CNGA1: variants seen among roughly 807,000 people sequenced by gnomAD.
The protein encoded by CNGA1 is cyclic nucleotide-gated channel alpha-1.
In CNGA1, 53 loss-of-function variants were observed where a neutral mutation model predicts 69.7. That is an observed-to-expected ratio of 0.76 (90% CI 0.61 to 0.96). The LOEUF (loss-of-function observed/expected upper bound fraction) is 0.96, where lower values mean the gene tolerates loss of function less well. Among genes scored for constraint, CNGA1 ranks in the 40% least tolerant of loss-of-function variants. CNGA1 has a pLI of 0.00. For missense variants in CNGA1, 739 were observed against 811.2 expected (o/e 0.91, Z 1.08); for synonymous variants, 249 against 283.5 (o/e 0.88, Z 1.22).
At chr4:47,959,314 C>T (rs1740284122) in intron 3 of CNGA1, among the ~76,000 whole-genome samples, 1 of 152,032 alleles carries the variant, frequency 6.6e-6, no homozygotes, top group Non-Finnish European at 1.5e-5. Flanking sequence ...TTTGGACCAC[C>T]AAAAATATAT....
intron 3 of CNGA1, among the ~76,000 whole-genome samples, chr4:47,961,754 A>T (rs1277996166): frequency 6.6e-6 from 1 of 152,066 alleles, no homozygotes; most frequent in Admixed American, 6.5e-5. Context: ...ATACTGTCCA[A>T]TGTGGTGGCC....
intron 2 of CNGA1, among the ~76,000 whole-genome samples, chr4:47,996,825 C>G (rs939306008): frequency 3.9e-5 from 6 of 151,920 alleles, no homozygotes; most frequent in Admixed American, 1.3e-4. Context: ...TTTGGGAGGC[C>G]GAGGTGAGTG....
intron 10 of CNGA1, among the ~76,000 whole-genome samples, chr4:47,939,838 C>T (rs910797571): frequency 6.6e-6 from 1 of 152,138 alleles, no homozygotes; most frequent in African/African-American, 2.4e-5. Context: ...TTCCTGAACA[C>T]GCTAGCAATG....
At chr4:47,975,464 G>T (rs949151226) in intron 3 of CNGA1, among the ~76,000 whole-genome samples, 1 of 152,050 alleles carries the variant, frequency 6.6e-6, no homozygotes, top group African/African-American at 2.4e-5. Context: ...ACAATAAAAA[G>T]CTCAATTAAT....
At chr4:48,008,321 C>A (rs911580734) in intron 2 of CNGA1, among the ~76,000 whole-genome samples, 1 of 152,062 alleles carries the variant, frequency 6.6e-6, no homozygotes, top group African/African-American at 2.4e-5. Context: ...ATGTAATATT[C>A]TTTCTCATAT....
Position 47,937,344 on chromosome 4 carries a change from T to G in CNGA1, c.1138A>C (p.Ile380Leu). ...EYVFVVVDFL[I>L]GVLIFATIVG... ...ATGGTAGCAAAAATTAACACTCCAA[T>G]TAGGAAATCAACCACCACAAAGACA... The change falls in exon 11 of 11, where the codon ATT (isoleucine) becomes CTT (leucine). Residue 380 changes from isoleucine to leucine, a missense_variant. Ile to Leu is a conservative substitution (Grantham distance 5). Transcript: ENST00000514170. 6.2e-7 allele frequency: 1 copy of G among 1,614,026 alleles called. No homozygotes were observed. Among genetic ancestry groups the G allele is most frequent in the Non-Finnish European group, 8.5e-7 (1 of 1,180,008 alleles).
chr4:47,945,379 G>A (rs1739333447), intron 6 of CNGA1, among the ~76,000 whole-genome samples: 2 of 152,200 alleles, frequency 1.3e-5, no homozygotes, highest in South Asian at 2.1e-4. Flanking sequence ...TTCCAGTAAC[G>A]ATTTCCCTGG....
At chr4:47,984,001 G>A (rs918423337) in intron 2 of CNGA1, among the ~76,000 whole-genome samples, 24 of 152,008 alleles carry the variant, frequency 1.6e-4, no homozygotes, top group Admixed American at 1.4e-3. Context: ...TTTAAAAATT[G>A]GGTTTTTTAA....
At chr4:47,961,482 C>G (rs1740435124) in intron 3 of CNGA1, among the ~76,000 whole-genome samples, 1 of 152,186 alleles carries the variant, frequency 6.6e-6, no homozygotes, top group African/African-American at 2.4e-5. Flanking sequence ...ATGGCTCATG[C>G]CAGTAATCTC....
chr4:47,950,659 A>G (rs1012844), intron 5 of CNGA1, among the ~76,000 whole-genome samples: 69,336 of 151,936 alleles, frequency 0.46, 17,051 homozygotes, highest in East Asian at 0.9. Flanking sequence ...GAAAAATAAG[A>G]AAAAGGAAAA....
intron 2 of CNGA1, among the ~76,000 whole-genome samples, chr4:47,989,272 T>C (rs922115490): frequency 1.3e-5 from 2 of 152,216 alleles, no homozygotes; most frequent in Admixed American, 1.3e-4. Context: ...ATAATTTAAC[T>C]TCTCAGGTAG....
At chr4:47,970,892 A>C in intron 3 of CNGA1, 1 of 453,860 alleles carries the variant, frequency 2.2e-6, no homozygotes, top group South Asian at 1.6e-5. Context: ...GTGGTGGCTC[A>C]CACCTGTAAT....
At chr4:48,000,104 C>T (rs1714595211) in intron 2 of CNGA1, among the ~76,000 whole-genome samples, 1 of 151,904 alleles carries the variant, frequency 6.6e-6, no homozygotes. Flanking sequence ...GAAGACATAG[C>T]AATTGAAGCT....
intron 3 of CNGA1, among the ~76,000 whole-genome samples, chr4:47,969,569 AAGCAATTCTCC>A (rs1177571151): frequency 2.0e-5 from 3 of 151,970 alleles, no homozygotes; most frequent in Non-Finnish European, 4.4e-5. Context: ...TCCCGGGTTC[AAGCAATTCTCC>A]TGCCTCAGCC....
chr4:47,951,386 T>C lies in CNGA1; in HGVS notation c.191A>G (p.Tyr64Cys). 6.2e-7 allele frequency: 1 copy of C among 1,613,282 alleles called. No individual in the cohort carries two copies. Among genetic ancestry groups the C allele is most frequent in the Non-Finnish European group, 8.5e-7 (1 of 1,179,240 alleles). Residue 64 changes from tyrosine (Y) to cysteine (C), a missense_variant, in exon 5 of 11, where the codon TAT becomes TGT. Physicochemically the swap from Tyr to Cys is radical, Grantham distance 194. Transcript: ENST00000514170. ...ENPHARGSFS[Y>C]KSLRKGGPSQ... The stretch of plus-strand genomic sequence containing the variant: ...TGGTCCTCCCTTTCTGAGTGACTTA[T>C]AACTAAAGGAACCCCTTGCATGAGG...
At chr4:47,965,853 T>G (rs1325849898) in intron 3 of CNGA1, among the ~76,000 whole-genome samples, 2 of 152,234 alleles carry the variant, frequency 1.3e-5, no homozygotes, top group Non-Finnish European at 2.9e-5. Flanking sequence ...TAGTAATTGC[T>G]TATTCTTTTC....
intron 2 of CNGA1, among the ~76,000 whole-genome samples, chr4:47,998,630 T>C (rs541341458): frequency 2.6e-5 from 4 of 151,874 alleles, no homozygotes; most frequent in Admixed American, 6.6e-5. Context: ...CAAAAAAAAT[T>C]AGCTGGGCAA....
chr4:47,987,820 C>T (rs1303329953), intron 2 of CNGA1, among the ~76,000 whole-genome samples: 3 of 152,114 alleles, frequency 2.0e-5, no homozygotes. Context: ...AATATAGACA[C>T]AGAGGTAGCC....
At chr4:47,943,485 C>A in intron 6 of CNGA1, 73 bp from the exon 7 acceptor site, 1 of 974,912 alleles carries the variant, frequency 1.0e-6, no homozygotes, top group Non-Finnish European at 1.5e-6. Flanking sequence ...TTTCATTGAG[C>A]AAAAATCTCA....
Sources: gnomAD v4.1 joint callset for allele counts (sites outside exome capture counted in the v4.1 genomes callset) on GRCh38, gnomAD v4.1.1 for gene constraint, MANE v1.5 for transcripts, NCBI Gene and HGNC (gene_info 2026-07-23, HGNC 2026-07-21) for gene names.